Variants in ELOVL7 observed in about 807,000 individuals in gnomAD.
The protein encoded by ELOVL7 is ELOVL fatty acid elongase 7.
A neutral mutation model predicts 35.7 loss-of-function variants in ELOVL7; 27 were observed. The ratio of observed to expected loss-of-function variants is 0.76; its 90% CI spans 0.56 to 1.04. ELOVL7 has a LOEUF of 1.04. Ranked by LOEUF, ELOVL7 falls within the 50% of genes least tolerant of loss-of-function variation. The pLI, the probability that ELOVL7 is intolerant of heterozygous loss-of-function variation, is 0.00. For synonymous variants in ELOVL7, 113 were observed against 114.6 expected, an observed-to-expected ratio of 0.99 and a Z score of 0.09; for missense variants, 327 against 340.8, an observed-to-expected ratio of 0.96 and a Z score of 0.32.
intron 1 of ELOVL7, among the ~76,000 whole-genome samples, chr5:60,803,890 T>G (rs763170022): frequency 2.0e-5 from 3 of 152,332 alleles, no homozygotes; most frequent in Non-Finnish European, 4.4e-5. Context: ...CACTCCCTAC[T>G]ACTCCATTAT....
chr5:60,830,399 T>A (rs553276283), intron 1 of ELOVL7, among the ~76,000 whole-genome samples: 1 of 151,972 alleles, frequency 6.6e-6, no homozygotes, highest in East Asian at 1.9e-4. Context: ...AGTAGAAGGG[T>A]AGTGAGAAAG....
intron 2 of ELOVL7, among the ~76,000 whole-genome samples, chr5:60,787,869 C>T (rs2112240507): frequency 6.6e-6 from 1 of 152,148 alleles, no homozygotes; most frequent in South Asian, 2.1e-4. Flanking sequence ...CATCTTCAGG[C>T]CTCATAAAGT....
At chr5:60,799,133 G>A (rs1450411236) in intron 2 of ELOVL7, 47 bp downstream of exon 2, 1 of 151,674 alleles carries the variant, frequency 6.6e-6, no homozygotes, top group Non-Finnish European at 1.5e-5. Flanking sequence ...AAATCAAAAG[G>A]GAAATTTAAA....
chr5:60,756,466 G>T (rs1477862824), intron 8 of ELOVL7, among the ~76,000 whole-genome samples: 1 of 152,132 alleles, frequency 6.6e-6, no homozygotes, highest in African/African-American at 2.4e-5. Flanking sequence ...TTTTAAAGAA[G>T]CAATGGTGAG....
At chr5:60,760,410 T>C (rs553351459) in intron 7 of ELOVL7, among the ~76,000 whole-genome samples, 1 of 152,364 alleles carries the variant, frequency 6.6e-6, no homozygotes, top group South Asian at 2.1e-4. Context: ...CATTTTTTCA[T>C]GTGTTTTTTG....
intron 1 of ELOVL7, among the ~76,000 whole-genome samples, chr5:60,812,197 G>A (rs1376836545): frequency 1.3e-5 from 2 of 151,952 alleles, no homozygotes; most frequent in Non-Finnish European, 2.9e-5. Flanking sequence ...TGCAGCCTAG[G>A]CAACATAACA....
chr5:60,808,463 A>T (rs1745070868), intron 1 of ELOVL7, among the ~76,000 whole-genome samples: 1 of 152,210 alleles, frequency 6.6e-6, no homozygotes, highest in African/African-American at 2.4e-5. Flanking sequence ...AAATCAAATT[A>T]AAGAAATCAA....
rs980560939 is a variant in ELOVL7, at chr5:60,835,082, C to T, written c.-86+9078G>A. Among the ~76,000 whole-genome samples the T allele has an allele frequency of 7.3e-5, 11 of 150,188 alleles. No homozygotes were observed. The Middle Eastern group carries it at 0.014, about 188-fold the overall frequency. On this transcript the variant is annotated intron_variant, in intron 1 of 8. Coordinates refer to ENST00000508821, the MANE Select transcript of ELOVL7 (RefSeq NM_024930.3). ...GCACACACCCGTAGTCCCAGTTACA[C>T]GGGAGACTGAAGTGGGAGGATCAAT...
At chr5:60,787,607 G>C in intron 2 of ELOVL7, 176 bp from the exon 3 acceptor site, 1 of 440,730 alleles carries the variant, frequency 2.3e-6, no homozygotes, top group Non-Finnish European at 4.0e-6. Flanking sequence ...TGCAGTTGCA[G>C]ACATTTCGGG....
intron 1 of ELOVL7, among the ~76,000 whole-genome samples, chr5:60,835,121 T>G: frequency 1.4e-5 from 2 of 140,904 alleles, no homozygotes; most frequent in South Asian, 2.2e-4. Flanking sequence ...GCCCGGGAGG[T>G]GGAGGTTGCA....
chr5:60,766,164 G>A (rs963423456), intron 6 of ELOVL7, among the ~76,000 whole-genome samples: 1 of 152,134 alleles, frequency 6.6e-6, no homozygotes, highest in African/African-American at 2.4e-5. Flanking sequence ...AAAGGAATAT[G>A]GATGACTGTG....
At chr5:60,803,507 A>G (rs1186624025) in intron 1 of ELOVL7, among the ~76,000 whole-genome samples, 1 of 152,224 alleles carries the variant, frequency 6.6e-6, no homozygotes, top group African/African-American at 2.4e-5. Context: ...TATGTTAAGT[A>G]TGCCTGATAA....
At chr5:60,829,530 C>T (rs1013287045) in intron 1 of ELOVL7, among the ~76,000 whole-genome samples, 1 of 151,978 alleles carries the variant, frequency 6.6e-6, no homozygotes, top group Admixed American at 6.6e-5. Flanking sequence ...TTATATTTAC[C>T]ATGAAAAATA....
chr5:60,826,086 G>A (rs1746154042), intron 1 of ELOVL7, among the ~76,000 whole-genome samples: 1 of 152,132 alleles, frequency 6.6e-6, no homozygotes, highest in South Asian at 2.1e-4. Flanking sequence ...ATACAGGGGA[G>A]GTATTACGGT....
Position 60,759,834 on chromosome 5 carries a change from T to C in ELOVL7, c.500-2189A>G, listed in dbSNP as rs542509817. Among the ~76,000 whole-genome samples, 206 of 151,322 alleles carry C rather than the reference T, an allele frequency of 1.4e-3. 1 individual carries two copies. The highest frequency in any genetic ancestry group is 4.9e-3 in the African/African-American group (199 of 40,892). ...CCCCAGAGTGTGATGTTCCCCCTCCTGTGTCCATGTGTTCTCATTGTTCAA... is the reference window on the plus strand; with the variant it reads ...CCCCAGAGTGTGATGTTCCCCCTCCCGTGTCCATGTGTTCTCATTGTTCAA... On this transcript the variant is annotated intron_variant, in intron 7 of 8. Coordinates refer to ENST00000508821, the MANE Select transcript of ELOVL7 (RefSeq NM_024930.3).
rs1041431149 is a variant in ELOVL7, at chr5:60,751,791, T to C, written c.*2833A>G. The C allele has an allele frequency of 2.0e-5, 3 of 152,174 alleles. No homozygotes were observed. Among genetic ancestry groups the C allele is most frequent in the African/African-American group, 7.2e-5 (3 of 41,436 alleles). 9.4% of individuals were successfully genotyped at this position (152,174 alleles called of 1,614,324 possible). A position where few individuals can be genotyped will look rare whatever the true frequency, so the allele number is the denominator to read the frequency against. ...CCAAAATGAAAAATATACACACGTA[T>C]ACATGCAATACCACAAATTTATTAT... On this transcript the variant is annotated 3_prime_UTR_variant, in exon 9 of 9. Coordinates refer to ENST00000508821, the MANE Select transcript of ELOVL7 (RefSeq NM_024930.3).
chr5:60,807,767 A>G (rs1745013475), intron 1 of ELOVL7, among the ~76,000 whole-genome samples: 1 of 151,980 alleles, frequency 6.6e-6, no homozygotes, highest in South Asian at 2.1e-4. Context: ...TGGGAGGCCG[A>G]GGCAGGTGGA....
intron 1 of ELOVL7, among the ~76,000 whole-genome samples, chr5:60,801,745 C>T (rs1414332776): frequency 6.6e-6 from 1 of 151,814 alleles, no homozygotes; most frequent in African/African-American, 2.4e-5. Context: ...ACAAAGCGAG[C>T]AGAAGGAAGG....
At chr5:60,835,202 A>AG (rs1223377499) in intron 1 of ELOVL7, among the ~76,000 whole-genome samples, 1 of 151,456 alleles carries the variant, frequency 6.6e-6, no homozygotes, top group Admixed American at 6.6e-5. Context: ...AAAAAAAAAA[A>AG]AAAAAAGACA....
Sources: allele counts gnomAD v4.1 joint callset (sites outside exome capture counted in the v4.1 genomes callset), GRCh38; gene constraint gnomAD v4.1.1; transcripts MANE v1.5; gene names NCBI Gene and HGNC (gene_info 2026-07-23, HGNC 2026-07-21).